CFAP91: variants seen among roughly 807,000 people sequenced by gnomAD.
CFAP91 encodes the protein cilia- and flagella-associated protein 91.
A neutral mutation model predicts 95.9 loss-of-function variants in CFAP91; 85 were observed. The observed-to-expected ratio is 0.89, with a 90% CI of 0.74 to 1.06. CFAP91 has a LOEUF of 1.06. Ranked by LOEUF, CFAP91 falls within the 50% of genes least tolerant of loss-of-function variation. CFAP91 has a pLI of 0.00. For synonymous variants in CFAP91, 335 were observed against 327.5 expected, an observed-to-expected ratio of 1.02 and a Z score of -0.25; for missense variants, 962 against 943.4, an observed-to-expected ratio of 1.02 and a Z score of -0.26.
chr3:119,708,701 T>A, intron 4 of CFAP91, 27 bp downstream of exon 4: 5 of 1,272,836 alleles, frequency 3.9e-6, no homozygotes, highest in Non-Finnish European at 5.6e-6. Flanking sequence ...AATGAATATT[T>A]GAGCCCTAAT....
intron 10 of CFAP91, 23 bp downstream of exon 10, chr3:119,733,529 A>G (rs1254069299): frequency 6.2e-7 from 1 of 1,601,842 alleles, no homozygotes. Flanking sequence ...TCTGGAGGAC[A>G]AAATGCTTCT....
chr3:119,740,284 G>A (rs531287590), intron 12 of CFAP91, among the ~76,000 whole-genome samples: 25 of 152,202 alleles, frequency 1.6e-4, no homozygotes, highest in Non-Finnish European at 2.9e-4. Flanking sequence ...GATGACCCTG[G>A]AGTTGTCATC....
chr3:119,755,420 G>A (rs1347146599), intron 17 of CFAP91, among the ~76,000 whole-genome samples: 1 of 152,084 alleles, frequency 6.6e-6, no homozygotes, highest in Non-Finnish European at 1.5e-5. Flanking sequence ...CCCTCATGAT[G>A]GGGTTATTGC....
chr3:119,716,755 T>A (rs2053582579), intron 6 of CFAP91, among the ~76,000 whole-genome samples: 1 of 152,080 alleles, frequency 6.6e-6, no homozygotes, highest in Non-Finnish European at 1.5e-5. Context: ...CCTGGCTAAT[T>A]TTTTTATTGT....
intron 5 of CFAP91, among the ~76,000 whole-genome samples, chr3:119,710,773 G>T (rs2053458072): frequency 6.6e-6 from 1 of 152,164 alleles, no homozygotes; most frequent in Admixed American, 6.5e-5. Flanking sequence ...GGTATACAAA[G>T]ATAAATAAAA....
intron 16 of CFAP91, among the ~76,000 whole-genome samples, chr3:119,749,962 C>G (rs934774528): frequency 1.3e-5 from 2 of 152,172 alleles, no homozygotes; most frequent in Non-Finnish European, 2.9e-5. Context: ...CAATTTCTTT[C>G]AAGAGTTGTA....
At chr3:119,742,081 A>G (rs2054131867) in intron 13 of CFAP91, among the ~76,000 whole-genome samples, 1 of 152,146 alleles carries the variant, frequency 6.6e-6, no homozygotes, top group African/African-American at 2.4e-5. Context: ...TGGCCCTTTC[A>G]GTTTCTGATC....
intron 13 of CFAP91, among the ~76,000 whole-genome samples, chr3:119,743,599 A>G (rs1452349810): frequency 1.3e-5 from 2 of 152,172 alleles, no homozygotes; most frequent in African/African-American, 4.8e-5. Context: ...ATTTGATTAA[A>G]CTCCAATATT....
At chr3:119,703,277 C>T in intron 1 of CFAP91, 55 bp downstream of exon 1, 2 of 1,595,936 alleles carry the variant, frequency 1.3e-6, no homozygotes, top group Non-Finnish European at 8.5e-7. Flanking sequence ...GCCAGGTGGG[C>T]TCCCAGATGG....
chr3:119,728,897 T>C (rs368359057), intron 7 of CFAP91, among the ~76,000 whole-genome samples: 4 of 152,190 alleles, frequency 2.6e-5, no homozygotes, highest in East Asian at 3.8e-4. Context: ...TGTATCTCCT[T>C]GTGCGGGAAA....
chr3:119,707,882 G>A (rs2053400816), intron 3 of CFAP91, among the ~76,000 whole-genome samples: 1 of 151,892 alleles, frequency 6.6e-6, no homozygotes, highest in South Asian at 2.1e-4. Flanking sequence ...GGAACTTGGG[G>A]CCAAAGCACC....
intron 5 of CFAP91, among the ~76,000 whole-genome samples, chr3:119,713,926 AT>A (rs1349503224): frequency 1.3e-5 from 2 of 152,050 alleles, no homozygotes; most frequent in East Asian, 1.9e-4. Context: ...GCTGTTTCAT[AT>A]TTTTTTAAAC....
intron 14 of CFAP91, 88 bp downstream of exon 14, chr3:119,744,284 C>A: frequency 9.1e-7 from 1 of 1,096,004 alleles, no homozygotes; most frequent in Non-Finnish European, 1.3e-6. Context: ...TGGCATTTGG[C>A]TTTTGTTTAT....
At chr3:119,704,222 C>G (rs1374693046) in intron 1 of CFAP91, among the ~76,000 whole-genome samples, 1 of 152,144 alleles carries the variant, frequency 6.6e-6, no homozygotes, top group African/African-American at 2.4e-5. Context: ...AACATCTCCC[C>G]AAAGTATTTA....
rs1399175487 is a variant in CFAP91 at position 119,744,045 on chromosome 3, C to T, written c.1751C>T (p.Ser584Phe). 1 of 1,614,046 alleles carries T rather than the reference C, an allele frequency of 6.2e-7. No individual in the cohort carries two copies. Among genetic ancestry groups the T allele is most frequent in the African/African-American group, 1.3e-5 (1 of 74,942 alleles). ...RALADMFDFL[S>F]KELVRLQEER... Reference sequence around the variant, plus strand: ...CTAGCAGACATGTTTGACTTCCTGTCCAAAGAGCTGGTGAGACTGCAGGAG... The same window carrying T: ...CTAGCAGACATGTTTGACTTCCTGTTCAAAGAGCTGGTGAGACTGCAGGAG... The change falls in exon 14 of 18, where the codon TCC becomes TTC. Residue 584 changes from serine (S) to phenylalanine (F), a missense_variant. Ser to Phe is a radical substitution (Grantham distance 155). Coordinates refer to ENST00000273390, the MANE Select transcript of CFAP91 (RefSeq NM_033364.4).
chr3:119,746,988 T>G (rs2054232557), intron 14 of CFAP91, 127 bp from the exon 15 acceptor site: 1 of 663,530 alleles, frequency 1.5e-6, no homozygotes, highest in South Asian at 3.0e-5. Flanking sequence ...GAATGATTAG[T>G]GAAGGGACTG....
At chr3:119,743,167 A>C in intron 13 of CFAP91, among the ~76,000 whole-genome samples, 1 of 137,674 alleles carries the variant, frequency 7.3e-6, no homozygotes, top group African/African-American at 2.7e-5. Context: ...ATGGAGTCTC[A>C]CTCTGTCACC....
In CFAP91 at chr3:119,703,094, G is replaced by A; in HGVS notation, c.-5G>A. 1 of 1,552,886 alleles carries A rather than the reference G, an allele frequency of 6.4e-7. No individual in the cohort carries two copies. The highest frequency in any genetic ancestry group is 2.4e-5 in the East Asian group (1 of 41,198). On this transcript the variant is annotated 5_prime_UTR_variant, in exon 1 of 18. Transcript: ENST00000273390. ...CCTTGCTGGCGGGAGGAAAGAGGCG[G>A]CACCATGAGCCACGCAGTAACCATC...
In CFAP91 at chr3:119,709,849, C is replaced by G; in HGVS notation, c.454C>G (p.Pro152Ala). The part of the protein sequence containing the change: ...RYKYFERPFL[P>A]FFQQMPFNVV... ...TCTTTTTCCTCCCAGGCCTTTTCTC[C>G]CATTTTTTCAGCAGATGCCATTCAA... The change falls in exon 5 of 18, where the codon CCA becomes GCA. Residue 152 changes from proline (P) to alanine (A), a missense_variant. Coordinates refer to ENST00000273390, the MANE Select transcript of CFAP91 (RefSeq NM_033364.4). The G allele has an allele frequency of 6.2e-7, 1 of 1,612,302 alleles. No homozygotes were observed. The highest frequency in any genetic ancestry group is 2.2e-5 in the East Asian group (1 of 44,862).
Sources: allele counts gnomAD v4.1 joint callset (sites outside exome capture counted in the v4.1 genomes callset), GRCh38; gene constraint gnomAD v4.1.1; transcripts MANE v1.5; gene names NCBI Gene and HGNC (gene_info 2026-07-23, HGNC 2026-07-21).